Variants in DGKH observed in about 807,000 individuals in gnomAD.
DGKH encodes diacylglycerol kinase eta, also known as DAG kinase eta.
A neutral mutation model predicts 159.3 loss-of-function variants in DGKH; 90 were observed. The ratio of observed to expected loss-of-function variants is 0.57; its 90% confidence interval spans 0.48 to 0.67. DGKH has a LOEUF of 0.67. DGKH is among the 30% of genes least tolerant of loss of function. The pLI, the probability that DGKH is intolerant of heterozygous loss-of-function variation, is 0.00. For synonymous variants in DGKH, 536 were observed against 553.8 expected, an observed-to-expected ratio of 0.97 and a Z score of 0.45; for missense variants, 1,181 against 1,506.1, an observed-to-expected ratio of 0.78 and a Z score of 3.57.
At chr13:42,114,770 C>T (rs562561978) in intron 1 of DGKH, among the ~76,000 whole-genome samples, 1 of 152,274 alleles carries the variant, frequency 6.6e-6, no homozygotes, top group African/African-American at 2.4e-5. Flanking sequence ...AAACTTTAGA[C>T]ATTTTCTTTA....
intron 1 of DGKH, among the ~76,000 whole-genome samples, chr13:42,077,145 C>G (rs1051287308): frequency 3.3e-5 from 5 of 152,136 alleles, no homozygotes; most frequent in African/African-American, 1.2e-4. Flanking sequence ...AATTCTTCCA[C>G]TAGACCATTA....
At chr13:42,064,878 A>AT (rs568034267) in intron 1 of DGKH, among the ~76,000 whole-genome samples, 248 of 149,036 alleles carry the variant, frequency 1.7e-3, no homozygotes, top group South Asian at 0.013. Context: ...TCTGATTTGG[A>AT]TTTTTTTTTT....
chr13:42,181,276 CAAAAAAAAAAAA>C (rs34220072), intron 13 of DGKH, among the ~76,000 whole-genome samples: 4 of 81,240 alleles, frequency 4.9e-5, no homozygotes, highest in Admixed American at 1.8e-4. Context: ...GACTCTGTCT[CAAAAAAAAAAAA>C]AAAAAAAAAA....
chr13:42,256,429 C>A, exon 31 of DGKH: 2 of 1,569,586 alleles, frequency 1.3e-6, no homozygotes, highest in Non-Finnish European at 1.8e-6. Flanking sequence ...AGACAGCACA[C>A]AAAAATGGAT....
chr13:42,186,045 GTGTGTA>G (rs750507118), intron 13 of DGKH, among the ~76,000 whole-genome samples: 197 of 144,936 alleles, frequency 1.4e-3, no homozygotes, highest in South Asian at 2.6e-3. Flanking sequence ...GTGTGTGTGT[GTGTGTA>G]TGTCCTGTGT....
rs1306079921 is a variant in DGKH, at chr13:42,227,138, A to C, written c.3574-1961A>C. 2.0e-5 allele frequency among the ~76,000 whole-genome samples: 3 copies of C among 152,196 alleles called. No individual in the cohort carries two copies. The East Asian group carries it at 5.8e-4, about 29-fold the overall frequency. On this transcript the variant is annotated intron_variant, in intron 29 of 29. Transcript: ENST00000337343. ...AGAAGGAGGGGAGAATATCAGGATA[A>C]ATAGCTAATGCCTGTGGGGCTTACT...
intron 1 of DGKH, chr13:42,070,040 T>A (rs7993632): frequency 0.62 from 558,190 of 904,104 alleles, 175,479 homozygotes; most frequent in Non-Finnish European, 0.65. Context: ...CAGTTATAAA[T>A]GTGACTGTGA....
chr13:42,065,130 G>A (rs902703527), intron 1 of DGKH, among the ~76,000 whole-genome samples: 1 of 152,188 alleles, frequency 6.6e-6, no homozygotes, highest in Non-Finnish European at 1.5e-5. Context: ...GGGCACCTCC[G>A]AACGTCAGAA....
intron 1 of DGKH, among the ~76,000 whole-genome samples, chr13:42,113,371 C>T (rs1269721097): frequency 6.6e-6 from 1 of 152,186 alleles, no homozygotes; most frequent in Non-Finnish European, 1.5e-5. Context: ...ATGCCCTACT[C>T]TAAACCAATT....
At chr13:42,136,329 C>G (rs1201163502) in intron 3 of DGKH, among the ~76,000 whole-genome samples, 2 of 152,138 alleles carry the variant, frequency 1.3e-5, no homozygotes, top group Non-Finnish European at 2.9e-5. Context: ...GATTTATTTC[C>G]ACTTTTATCT....
intron 1 of DGKH, among the ~76,000 whole-genome samples, chr13:42,123,201 TA>T (rs1955108649): frequency 6.6e-6 from 1 of 152,156 alleles, no homozygotes; most frequent in African/African-American, 2.4e-5. Context: ...TTTCAAAAGT[TA>T]TACATTTTAT....
chr13:42,200,607 C>T (rs965722376), intron 20 of DGKH, among the ~76,000 whole-genome samples: 4 of 152,160 alleles, frequency 2.6e-5, no homozygotes, highest in Admixed American at 2.0e-4. Flanking sequence ...TAAAGCATAT[C>T]ATACATATAG....
chr13:42,051,500 G>A (rs1400453808), intron 1 of DGKH, among the ~76,000 whole-genome samples: 2 of 152,128 alleles, frequency 1.3e-5, no homozygotes, highest in Non-Finnish European at 1.5e-5. Flanking sequence ...TAAATTTAAC[G>A]TTGGTTCCCA....
chr13:42,245,333 T>C (rs1958572538), downstream of DGKH, among the ~76,000 whole-genome samples: 1 of 152,204 alleles, frequency 6.6e-6, no homozygotes, highest in Non-Finnish European at 1.5e-5. Context: ...GCTATCCCAA[T>C]GCACGGAATA....
intron 1 of DGKH, among the ~76,000 whole-genome samples, chr13:42,042,775 C>T (rs905615726): frequency 2.6e-5 from 4 of 152,142 alleles, no homozygotes; most frequent in African/African-American, 9.7e-5. Context: ...GAGATCATGG[C>T]TATGTGGCAT....
rs191052054 is a variant in DGKH at position 42,063,726 on chromosome 13, G to A, written c.192+14761G>A. ...AAGCTGAGGCGGGTGGGTCACCTGA[G>A]GTCAGGAGTTCGAGACCAGCCTGAC... is the stretch of plus-strand genomic sequence containing the variant. On this transcript the variant is annotated intron_variant, in intron 1 of 29. Transcript: ENST00000337343. Among the ~76,000 whole-genome samples the A allele has an allele frequency of 2.6e-3, 395 of 152,220 alleles. 2 individuals carry two copies. The highest frequency in any genetic ancestry group is 8.8e-3 in the African/African-American group (364 of 41,532).
At chr13:42,149,006 G>A (rs371208741) in intron 3 of DGKH, among the ~76,000 whole-genome samples, 317 of 139,258 alleles carry the variant, frequency 2.3e-3, no homozygotes, top group South Asian at 7.1e-3. Context: ...ATGCAGTGGC[G>A]TGATCATAGC....
intron 1 of DGKH, among the ~76,000 whole-genome samples, chr13:42,043,082 T>G (rs1474325717): frequency 6.6e-6 from 1 of 152,184 alleles, no homozygotes; most frequent in African/African-American, 2.4e-5. Context: ...TTGTGACCTT[T>G]TTTGGGGTCA....
intron 1 of DGKH, among the ~76,000 whole-genome samples, chr13:42,088,553 G>C (rs190178842): frequency 1.7e-3 from 265 of 152,160 alleles, no homozygotes; most frequent in African/African-American, 6.1e-3. Context: ...TATTATTTGA[G>C]TGCACATTGT....
Sources: allele counts gnomAD v4.1 joint callset (sites outside exome capture counted in the v4.1 genomes callset), GRCh38; gene constraint gnomAD v4.1.1; transcripts MANE v1.5; gene names NCBI Gene and HGNC (gene_info 2026-07-23, HGNC 2026-07-21).